The following ANO3 variants were observed in gnomAD, a reference collection of about 807,000 sequenced individuals.
ANO3 encodes the protein anoctamin-3.
Under a neutral mutation model 144.8 loss-of-function variants are expected in ANO3, and 99 were observed. That is an observed-to-expected ratio of 0.68 (90% CI 0.58 to 0.81). The LOEUF (loss-of-function observed/expected upper bound fraction) is 0.81, where lower values mean the gene tolerates loss of function less well. Ranked by LOEUF, ANO3 falls within the 30% of genes least tolerant of loss-of-function variation. ANO3 has a pLI of 0.00. For synonymous variants in ANO3, 414 were observed against 392.6 expected (o/e 1.05, Z -0.64); for missense variants, 905 against 1,202.2 (o/e 0.75, Z 3.66).
intron 17 of ANO3, among the ~76,000 whole-genome samples, chr11:26,622,462 G>A (rs887293951): frequency 2.0e-5 from 3 of 150,782 alleles, no homozygotes; most frequent in Non-Finnish European, 4.4e-5. Context: ...AATGAGCCAG[G>A]CATCATAGTG....
intron 24 of ANO3, 61 bp downstream of exon 24, chr11:26,647,917 T>C (rs903284922): frequency 2.7e-6 from 4 of 1,504,758 alleles, no homozygotes; most frequent in Non-Finnish European, 2.7e-6. Flanking sequence ...AAATAGGATC[T>C]TACTGGGAAG....
intron 11 of ANO3, among the ~76,000 whole-genome samples, chr11:26,543,314 A>G (rs1482478487): frequency 6.6e-6 from 1 of 152,086 alleles, no homozygotes; most frequent in Non-Finnish European, 1.5e-5. Flanking sequence ...CAACAAACCC[A>G]TCAGGAAGCC....
intron 13 of ANO3, among the ~76,000 whole-genome samples, chr11:26,554,452 G>A (rs1319850966): frequency 1.3e-5 from 2 of 152,110 alleles, no homozygotes; most frequent in African/African-American, 4.8e-5. Context: ...CCTAGGAGTA[G>A]ACTGGTTGGA....
chr11:26,545,316 T>C (rs1849758586), intron 11 of ANO3, among the ~76,000 whole-genome samples: 1 of 152,022 alleles, frequency 6.6e-6, no homozygotes, highest in African/African-American at 2.4e-5. Flanking sequence ...AGTAGTTCCT[T>C]AGTAGTGGAT....
In ANO3 at chr11:26,425,510, GT is replaced by G. The variant is rs922771105; in HGVS notation, c.47-16400del. Among the ~76,000 whole-genome samples the G allele has an allele frequency of 3.2e-4, 49 of 151,708 alleles. 1 individual carries two copies. Among genetic ancestry groups the G allele is most frequent in the African/African-American group, 9.4e-4 (39 of 41,310 alleles). ...AAACAAACAATATGAGTGAAATATAGTTTTTTTTATCTTAAGGTAAATATAA... is the reference window on the plus strand; with the variant it reads ...AAACAAACAATATGAGTGAAATATAGTTTTTTTATCTTAAGGTAAATATAA... On this transcript the variant is annotated intron_variant, in intron 1 of 26. Coordinates refer to ENST00000256737, the MANE Select transcript of ANO3 (RefSeq NM_031418.4).
chr11:26,511,394 A>G (rs943229697), intron 5 of ANO3, among the ~76,000 whole-genome samples: 1 of 152,216 alleles, frequency 6.6e-6, no homozygotes, highest in Non-Finnish European at 1.5e-5. Flanking sequence ...AAGCAAGGGA[A>G]GGTGCTGCAA....
chr11:26,480,564 T>C (rs988990171), intron 4 of ANO3, among the ~76,000 whole-genome samples: 1 of 152,100 alleles, frequency 6.6e-6, no homozygotes, highest in African/African-American at 2.4e-5. Flanking sequence ...TCCCAACACT[T>C]TGGGAGGCCA....
chr11:26,282,928 T>C (rs979567118), intron 1 of ANO3, among the ~76,000 whole-genome samples: 2 of 152,176 alleles, frequency 1.3e-5, no homozygotes, highest in African/African-American at 4.8e-5. Context: ...GTGTCTTTAG[T>C]AACTGCCTAT....
rs10554872 is a variant in ANO3, at chr11:26,449,517, ACACG to A, written c.313+5689_313+5692del. Among the ~76,000 whole-genome samples the A allele has an allele frequency of 6.0e-3, 530 of 88,002 alleles. 3 individuals carry two copies. The highest frequency in any genetic ancestry group is 8.9e-3 in the South Asian group (23 of 2,584). The allele number at this position is 88,002 out of a possible 152,430, so 57.7% of individuals were successfully genotyped here. A position where few individuals can be genotyped will look rare whatever the true frequency, so the allele number is the denominator to read the frequency against. ...CACACACACACACACACACACACAC[ACACG>A]CACGCACATCTCTTTGGAGAGTCTG... On this transcript the variant is annotated intron_variant, in intron 3 of 26. Coordinates refer to ENST00000256737, the MANE Select transcript of ANO3 (RefSeq NM_031418.4).
upstream of ANO3, among the ~76,000 whole-genome samples, chr11:26,329,044 T>C (rs1286270610): frequency 6.6e-6 from 1 of 152,046 alleles, no homozygotes; most frequent in African/African-American, 2.4e-5. Flanking sequence ...ACATTTTGCA[T>C]GTCATTAAAA....
intron 1 of ANO3, among the ~76,000 whole-genome samples, chr11:26,407,446 A>G (rs760390689): frequency 6.6e-6 from 1 of 151,760 alleles, no homozygotes; most frequent in Non-Finnish European, 1.5e-5. Flanking sequence ...TATATTTAGT[A>G]TTAAATGAAT....
intron 9 of ANO3, among the ~76,000 whole-genome samples, chr11:26,535,660 G>T (rs1352024341): frequency 8.2e-6 from 1 of 122,582 alleles, no homozygotes; most frequent in African/African-American, 3.1e-5. Flanking sequence ...TCAATTCACT[G>T]CAAGCTCTGC....
chr11:26,264,107 C>T (rs1853254796), intron 1 of ANO3, among the ~76,000 whole-genome samples: 1 of 152,162 alleles, frequency 6.6e-6, no homozygotes, highest in African/African-American at 2.4e-5. Flanking sequence ...GGGTAGGGCC[C>T]ATGTGGGCTG....
At chr11:26,515,736 T>C (rs369526612) in intron 5 of ANO3, among the ~76,000 whole-genome samples, 63 of 152,136 alleles carry the variant, frequency 4.1e-4, no homozygotes, top group African/African-American at 1.4e-3. Flanking sequence ...AATGGAAATA[T>C]AATGAACAGT....
At chr11:26,238,368 T>C (rs1311531638) in intron 1 of ANO3, among the ~76,000 whole-genome samples, 1 of 152,134 alleles carries the variant, frequency 6.6e-6, no homozygotes, top group Non-Finnish European at 1.5e-5. Context: ...TTTTGAAATA[T>C]GTTCAAAATT....
intron 1 of ANO3, among the ~76,000 whole-genome samples, chr11:26,389,197 T>G (rs1856813178): frequency 6.6e-6 from 1 of 152,056 alleles, no homozygotes; most frequent in East Asian, 1.9e-4. Context: ...ATATTTTCTC[T>G]TAGGAAAAAA....
chr11:26,606,993 G>C (rs948971073), intron 17 of ANO3, among the ~76,000 whole-genome samples: 1 of 152,102 alleles, frequency 6.6e-6, no homozygotes, highest in African/African-American at 2.4e-5. Flanking sequence ...ACATTTGCTT[G>C]TCTGGAAAGG....
chr11:26,613,355 CT>C (rs1261186137), intron 17 of ANO3, among the ~76,000 whole-genome samples: 1 of 151,956 alleles, frequency 6.6e-6, no homozygotes. Flanking sequence ...TTATGTCTAT[CT>C]TTTTATTGTA....
chr11:26,278,213 G>T (rs546353867), intron 1 of ANO3, among the ~76,000 whole-genome samples: 3 of 152,156 alleles, frequency 2.0e-5, no homozygotes, highest in African/African-American at 7.2e-5. Context: ...TATTCTTCTG[G>T]CATTGGCAAT....
Sources: gnomAD v4.1 joint callset for allele counts (sites outside exome capture counted in the v4.1 genomes callset) on GRCh38, gnomAD v4.1.1 for gene constraint, MANE v1.5 for transcripts, NCBI Gene and HGNC (gene_info 2026-07-23, HGNC 2026-07-21) for gene names.